The following AGBL4 variants were observed in gnomAD, a reference collection of about 807,000 sequenced individuals.
AGBL4 encodes the protein cytosolic carboxypeptidase 6.
A neutral mutation model predicts 66.4 loss-of-function variants in AGBL4; 58 were observed. The observed-to-expected ratio is 0.87, with a 90% confidence interval of 0.71 to 1.09. AGBL4 has a LOEUF of 1.09. Ranked by LOEUF, AGBL4 falls within the 50% of genes least tolerant of loss-of-function variation. AGBL4 has a pLI of 0.00. For missense variants in AGBL4, 579 were observed against 631.0 expected (o/e 0.92, Z 0.88); for synonymous variants, 234 against 222.9 (o/e 1.05, Z -0.44).
intron 5 of AGBL4, among the ~76,000 whole-genome samples, chr1:48,921,728 G>A (rs1654097000): frequency 6.6e-6 from 1 of 152,156 alleles, no homozygotes; most frequent in Admixed American, 6.6e-5. Context: ...GAGCCTCAAG[G>A]AGGTAAATAA....
Position 48,663,153 on chromosome 1 carries a change from T to C in AGBL4, c.723A>G (p.Gln241=). Residue 241 remains glutamine, a splice_region_variant and synonymous_variant, in exon 7 of 14, where the codon CAA becomes CAG. Transcript: ENST00000371839. ...PGETPSSFVC[Q]GIIDFLVSQH... ...TACCTATGAGATCCTGCCACTCACC[T>C]TGGCACACAAATGATGAGGGTGTTT... 6.2e-7 allele frequency: 1 copy of C among 1,613,898 alleles called. No individual in the cohort carries two copies. Among genetic ancestry groups the C allele is most frequent in the South Asian group, 1.1e-5 (1 of 91,082 alleles).
intron 1 of AGBL4, among the ~76,000 whole-genome samples, chr1:49,916,275 C>G (rs562697553): frequency 6.6e-5 from 10 of 152,220 alleles, no homozygotes; most frequent in African/African-American, 2.4e-4. Flanking sequence ...TTCAGACAAT[C>G]AAAGTTCTCC....
chr1:48,734,263 T>C (rs779305089), intron 6 of AGBL4, among the ~76,000 whole-genome samples: 2 of 152,176 alleles, frequency 1.3e-5, no homozygotes, highest in Non-Finnish European at 2.9e-5. Flanking sequence ...GGCGGGTGTG[T>C]GTTTGAATCT....
At chr1:48,834,322 C>G (rs773263471) in intron 6 of AGBL4, among the ~76,000 whole-genome samples, 1 of 152,070 alleles carries the variant, frequency 6.6e-6, no homozygotes, top group Admixed American at 6.6e-5. Flanking sequence ...TGAGTTAAGA[C>G]TCTGGGGCTG....
chr1:49,627,181 T>G (rs1002792587), intron 3 of AGBL4, among the ~76,000 whole-genome samples: 2 of 152,126 alleles, frequency 1.3e-5, no homozygotes, highest in Admixed American at 1.3e-4. Flanking sequence ...GAATAAAGAT[T>G]TCCTCAAAAA....
intron 3 of AGBL4, among the ~76,000 whole-genome samples, chr1:49,377,895 C>T (rs944355587): frequency 1.6e-4 from 24 of 152,088 alleles, no homozygotes; most frequent in Non-Finnish European, 3.2e-4. Flanking sequence ...CCTGAAAAGA[C>T]AGTCTGAAAC....
intron 6 of AGBL4, among the ~76,000 whole-genome samples, chr1:48,801,385 G>A (rs1482510864): frequency 1.3e-5 from 2 of 152,122 alleles, no homozygotes; most frequent in African/African-American, 4.8e-5. Flanking sequence ...ATGTTCAGTC[G>A]AAATTATTAC....
chr1:49,343,465 T>G (rs1308832989), intron 3 of AGBL4, among the ~76,000 whole-genome samples: 2 of 152,158 alleles, frequency 1.3e-5, no homozygotes, highest in African/African-American at 4.8e-5. Context: ...GGATACTCAG[T>G]TCTTTGCATG....
chr1:48,773,214 G>C (rs2148700004), intron 6 of AGBL4, among the ~76,000 whole-genome samples: 1 of 152,102 alleles, frequency 6.6e-6, no homozygotes, highest in Admixed American at 6.5e-5. Context: ...TAAAATTTTA[G>C]GGCTCTAGGC....
intron 1 of AGBL4, among the ~76,000 whole-genome samples, chr1:49,883,357 T>C (rs1178275480): frequency 6.6e-6 from 1 of 152,084 alleles, no homozygotes; most frequent in African/African-American, 2.4e-5. Flanking sequence ...TCATCTCCTC[T>C]GGGAAGTCAT....
chr1:48,902,468 G>A (rs943179494), intron 5 of AGBL4, among the ~76,000 whole-genome samples: 5 of 152,170 alleles, frequency 3.3e-5, no homozygotes, highest in African/African-American at 7.2e-5. Context: ...AGAAGTAGAA[G>A]GATCCAAAGT....
chr1:50,013,820 A>G (rs1387655453), intron 1 of AGBL4, among the ~76,000 whole-genome samples: 1 of 152,226 alleles, frequency 6.6e-6, no homozygotes, highest in Non-Finnish European at 1.5e-5. Context: ...ATAAAGCTGT[A>G]TGTCTAATAG....
chr1:48,820,909 A>G (rs1355495461), intron 6 of AGBL4, among the ~76,000 whole-genome samples: 1 of 152,220 alleles, frequency 6.6e-6, no homozygotes, highest in African/African-American at 2.4e-5. Flanking sequence ...AACAAGAAAA[A>G]AAACCAAACA....
intron 3 of AGBL4, among the ~76,000 whole-genome samples, chr1:49,459,497 G>A (rs1446150169): frequency 6.6e-6 from 1 of 151,438 alleles, no homozygotes; most frequent in African/African-American, 2.4e-5. Flanking sequence ...TGCTGCATCA[G>A]TAGTAGTATC....
chr1:49,694,497 A>G (rs1218081405), intron 3 of AGBL4, among the ~76,000 whole-genome samples: 1 of 152,164 alleles, frequency 6.6e-6, no homozygotes, highest in Non-Finnish European at 1.5e-5. Context: ...AAACATGTTC[A>G]TGATTTCTAA....
chr1:49,024,769 A>C (rs1663515398), intron 5 of AGBL4, among the ~76,000 whole-genome samples: 2 of 152,166 alleles, frequency 1.3e-5, no homozygotes, highest in Non-Finnish European at 2.9e-5. Context: ...TATATCCAAG[A>C]ACTTACAAAC....
chr1:48,831,341 T>G (rs1318605918), intron 6 of AGBL4, among the ~76,000 whole-genome samples: 1 of 152,166 alleles, frequency 6.6e-6, no homozygotes, highest in African/African-American at 2.4e-5. Context: ...AGAACAAGGT[T>G]CCATATCTGA....
At chr1:50,009,525 A>G (rs1372471910) in intron 1 of AGBL4, among the ~76,000 whole-genome samples, 1 of 152,126 alleles carries the variant, frequency 6.6e-6, no homozygotes, top group Non-Finnish European at 1.5e-5. Context: ...TCTCAACACA[A>G]TAAAAAACCT....
chr1:49,955,844 A>G (rs190342267), intron 1 of AGBL4, among the ~76,000 whole-genome samples: 29 of 151,914 alleles, frequency 1.9e-4, no homozygotes, highest in Admixed American at 3.9e-4. Flanking sequence ...CAATTTTAGG[A>G]AGATTTTATT....
Sources: gnomAD v4.1 joint callset for allele counts (sites outside exome capture counted in the v4.1 genomes callset) on GRCh38, gnomAD v4.1.1 for gene constraint, MANE v1.5 for transcripts, NCBI Gene and HGNC (gene_info 2026-07-23, HGNC 2026-07-21) for gene names.